The following RPS6KC1 variants were observed in gnomAD, a reference collection of about 807,000 sequenced individuals.
RPS6KC1 encodes inactive ribosomal protein S6 kinase delta-1.
RPS6KC1 carries 54 observed loss-of-function variants against 103.8 expected under a neutral mutation model. That is an observed-to-expected ratio of 0.52 (90% CI 0.42 to 0.65). The LOEUF (loss-of-function observed/expected upper bound fraction) is 0.65. Ranked by LOEUF, RPS6KC1 falls within the 30% of genes least tolerant of loss-of-function variation. The pLI, the probability that RPS6KC1 is intolerant of heterozygous loss-of-function variation, is 0.00. For synonymous variants in RPS6KC1, 439 were observed against 438.7 expected, an observed-to-expected ratio of 1.00 and a Z score of -0.01; for missense variants, 1,151 against 1,253.8, an observed-to-expected ratio of 0.92 and a Z score of 1.24.
At chr1:213,780,553 C>G in the RPS6KC1 span, among the ~76,000 whole-genome samples, 1 of 152,212 alleles carries the variant, frequency 6.6e-6, no homozygotes, top group African/African-American at 2.4e-5. Context: ...ACAATCTGGG[C>G]CAAGAAGAAT....
At chr1:213,655,628 A>G in the RPS6KC1 span, among the ~76,000 whole-genome samples, 1 of 152,218 alleles carries the variant, frequency 6.6e-6, no homozygotes, top group Non-Finnish European at 1.5e-5. Flanking sequence ...TCTCATGGTT[A>G]CAAGTTGTAT....
At chr1:213,556,768 A>G in the RPS6KC1 span, among the ~76,000 whole-genome samples, 3 of 152,216 alleles carry the variant, frequency 2.0e-5, no homozygotes, top group Admixed American at 6.5e-5. Context: ...ATGGTAGAGA[A>G]TGTGCTGAGG....
At chr1:213,563,206 A>G in the RPS6KC1 span, among the ~76,000 whole-genome samples, 1 of 152,004 alleles carries the variant, frequency 6.6e-6, no homozygotes, top group East Asian at 1.9e-4. Context: ...TGTCCTTTTT[A>G]CCATTGTAAA....
At chr1:213,552,735 G>A in the RPS6KC1 span, among the ~76,000 whole-genome samples, 22 of 152,116 alleles carry the variant, frequency 1.4e-4, no homozygotes, top group Non-Finnish European at 2.2e-4. Flanking sequence ...TGGAAGTGGA[G>A]GTGCTTTTAT....
At chr1:213,381,191 G>T in the RPS6KC1 span, among the ~76,000 whole-genome samples, 1 of 152,206 alleles carries the variant, frequency 6.6e-6, no homozygotes, top group African/African-American at 2.4e-5. Flanking sequence ...CAGGAAGCAA[G>T]ATAGTGGGAT....
chr1:213,696,264 C>A, the RPS6KC1 span, among the ~76,000 whole-genome samples: 1 of 152,098 alleles, frequency 6.6e-6, no homozygotes, highest in East Asian at 1.9e-4. Context: ...CTTTGGGAGG[C>A]TGAGGCGGGC....
chr1:213,417,311 C>G, the RPS6KC1 span, among the ~76,000 whole-genome samples: 4 of 152,256 alleles, frequency 2.6e-5, no homozygotes, highest in South Asian at 8.3e-4. Context: ...GATTGGTTCT[C>G]TCTCACAGAA....
At chr1:213,119,688 T>C (rs190257479) in intron 5 of RPS6KC1, among the ~76,000 whole-genome samples, 1 of 151,884 alleles carries the variant, frequency 6.6e-6, no homozygotes, top group Admixed American at 6.6e-5. Context: ...CCTATTTTAG[T>C]ATAAGGCAAT....
chr1:213,057,015 C>T (rs551798292), intron 1 of RPS6KC1, among the ~76,000 whole-genome samples: 2 of 152,284 alleles, frequency 1.3e-5, no homozygotes, highest in Non-Finnish European at 2.9e-5. Context: ...TCACGGCTCA[C>T]TCTAGCCTTG....
chr1:213,131,659 G>T (rs1021424802), intron 6 of RPS6KC1, among the ~76,000 whole-genome samples: 16 of 152,262 alleles, frequency 1.1e-4, no homozygotes, highest in Admixed American at 9.2e-4. Flanking sequence ...TGCCAGGCTG[G>T]TCTCGAACTA....
At chr1:213,583,158 C>T in the RPS6KC1 span, among the ~76,000 whole-genome samples, 3 of 152,172 alleles carry the variant, frequency 2.0e-5, no homozygotes, top group East Asian at 3.9e-4. Flanking sequence ...CATTCATTCA[C>T]CTGCTGATGG....
the RPS6KC1 span, among the ~76,000 whole-genome samples, chr1:213,384,612 G>T: frequency 9.2e-5 from 14 of 152,112 alleles, no homozygotes; most frequent in Non-Finnish European, 1.5e-4. Context: ...AAGGCCGACT[G>T]TCACCAGGTC....
chr1:213,479,039 G>A, the RPS6KC1 span, among the ~76,000 whole-genome samples: 1 of 151,894 alleles, frequency 6.6e-6, no homozygotes, highest in African/African-American at 2.4e-5. Context: ...CATTTTTCAA[G>A]ACTTCATTCT....
chr1:213,680,410 C>G, the RPS6KC1 span, among the ~76,000 whole-genome samples: 1 of 152,170 alleles, frequency 6.6e-6, no homozygotes, highest in African/African-American at 2.4e-5. Flanking sequence ...AACCTGAAAA[C>G]CTGCCAAATC....
chr1:213,120,255 C>T (rs2084231380), intron 5 of RPS6KC1, among the ~76,000 whole-genome samples: 1 of 152,150 alleles, frequency 6.6e-6, no homozygotes. Context: ...AACCATGGAA[C>T]TGGAAATGCT....
chr1:213,781,244 A>G, the RPS6KC1 span, among the ~76,000 whole-genome samples: 1 of 152,210 alleles, frequency 6.6e-6, no homozygotes, highest in Non-Finnish European at 1.5e-5. Context: ...ATCATTTTGG[A>G]TCAAGTAGTA....
chr1:213,854,564 C>CTTTCTTTCTTTCTT, the RPS6KC1 span, among the ~76,000 whole-genome samples: 707 of 105,592 alleles, frequency 6.7e-3, 2 homozygotes, highest in East Asian at 9.8e-3. Context: ...TTCTTTCTTT[C>CTTTCTTTCTTTCTT]TCTCTCTCTC....
the RPS6KC1 span, among the ~76,000 whole-genome samples, chr1:213,386,738 A>C: frequency 6.6e-6 from 1 of 152,168 alleles, no homozygotes; most frequent in Admixed American, 6.5e-5. Flanking sequence ...TGTGGAGCTG[A>C]GATCTAACCA....
chr1:213,708,530 A>G, the RPS6KC1 span, among the ~76,000 whole-genome samples: 1 of 152,104 alleles, frequency 6.6e-6, no homozygotes, highest in African/African-American at 2.4e-5. Context: ...TTTCTATTTG[A>G]ATATGCTTTA....
Sources: gnomAD v4.1 joint callset for allele counts (sites outside exome capture counted in the v4.1 genomes callset) on GRCh38, gnomAD v4.1.1 for gene constraint, MANE v1.5 for transcripts, NCBI Gene and HGNC (gene_info 2026-07-23, HGNC 2026-07-21) for gene names.